The following DMXL2 variants were observed in gnomAD, a reference collection of about 807,000 sequenced individuals.
The protein encoded by DMXL2 is Dmx like 2.
In DMXL2, 103 loss-of-function variants were observed where a neutral mutation model predicts 331.1. The ratio of observed to expected loss-of-function variants is 0.31; its 90% confidence interval spans 0.27 to 0.37. DMXL2 has a LOEUF of 0.37. DMXL2 is among the 10% of genes least tolerant of loss of function. The pLI is 1.00. For synonymous variants in DMXL2, 1,281 were observed against 1,252.1 expected, an observed-to-expected ratio of 1.02 and a Z score of -0.49; for missense variants, 3,171 against 3,642.9, an observed-to-expected ratio of 0.87 and a Z score of 3.33.
Position 51,464,832 on chromosome 15 carries a change from A to C in DMXL2, c.7651T>G (p.Leu2551Val), listed in dbSNP as rs181821317. The change falls in exon 32 of 44, where the codon TTG (leucine) becomes GTG (valine). Residue 2551 changes from leucine (L) to valine (V), a missense_variant. Physicochemically the swap from Leu to Val is conservative, Grantham distance 32. Transcript: ENST00000560891. ...SPLGIAVIKNLENWEQILQEK... is the reference protein window; with the variant it reads ...SPLGIAVIKNVENWEQILQEK... ...TGCAAGATCTGTTCCCAGTTCTCCA[A>C]GTTTTTAATCACAGCAATACCTAAT... The C allele has an allele frequency of 3.1e-6, 5 of 1,614,130 alleles. No individual in the cohort carries two copies. The highest frequency in any genetic ancestry group is 4.2e-6 in the Non-Finnish European group (5 of 1,179,996).
At chr15:51,592,580 C>G (rs1302748410) in intron 1 of DMXL2, among the ~76,000 whole-genome samples, 2 of 152,180 alleles carry the variant, frequency 1.3e-5, no homozygotes, top group Non-Finnish European at 2.9e-5. Context: ...CACAAAGATA[C>G]TCCTTGACAA....
intron 36 of DMXL2, among the ~76,000 whole-genome samples, 161 bp downstream of exon 36, chr15:51,458,345 T>C (rs2039827304): frequency 6.6e-6 from 1 of 152,222 alleles, no homozygotes; most frequent in African/African-American, 2.4e-5. Context: ...TCAGTTAATG[T>C]AGACAAAGAC....
At chr15:51,533,249 A>G (rs953321551) in intron 13 of DMXL2, among the ~76,000 whole-genome samples, 8 of 152,070 alleles carry the variant, frequency 5.3e-5, no homozygotes, top group Non-Finnish European at 8.8e-5. Flanking sequence ...TCTTGAACTC[A>G]TGGGGTCAAG....
chr15:51,549,046 T>C (rs2049048114), intron 6 of DMXL2, among the ~76,000 whole-genome samples: 1 of 152,082 alleles, frequency 6.6e-6, no homozygotes, highest in Non-Finnish European at 1.5e-5. Flanking sequence ...TGTGGGATTT[T>C]GGTGCACCCA....
chr15:51,597,404 T>A (rs1449801411), intron 1 of DMXL2, among the ~76,000 whole-genome samples: 2 of 152,210 alleles, frequency 1.3e-5, no homozygotes, highest in African/African-American at 4.8e-5. Context: ...GCCTCCCCTC[T>A]GAACTTTATG....
rs1687869897 is a variant in DMXL2, at chr15:51,499,854, G to A, written c.3370C>T (p.His1124Tyr). 6.2e-7 allele frequency: 1 copy of A among 1,614,144 alleles called. No homozygotes were observed. The highest frequency in any genetic ancestry group is 1.3e-5 in the African/African-American group (1 of 75,042). ...GSEWVLEQTI[H>Y]LDDLVKVGSV... is the part of the protein sequence containing the mutation. ...CCAACCTTAACCAAATCATCAAGAT[G>A]AATTGTTTGTTCTAAAACCCACTCT... Residue 1124 changes from histidine (H) to tyrosine (Y), a missense_variant, in exon 18 of 44, where the codon CAT becomes TAT. Transcript: ENST00000560891.
chr15:51,588,746 C>A (rs565004991), intron 1 of DMXL2, among the ~76,000 whole-genome samples: 12 of 152,174 alleles, frequency 7.9e-5, no homozygotes, highest in Non-Finnish European at 1.8e-4. Context: ...AATTAAACTT[C>A]CAACACCTTC....
intron 3 of DMXL2, among the ~76,000 whole-genome samples, chr15:51,566,404 T>C (rs984703517): frequency 6.6e-6 from 1 of 152,210 alleles, no homozygotes; most frequent in Non-Finnish European, 1.5e-5. Context: ...CACTAAATAC[T>C]GTTCAACAAA....
chr15:51,568,701 G>A (rs1411902586), intron 2 of DMXL2, 143 bp from the exon 3 acceptor site: 2 of 609,140 alleles, frequency 3.3e-6, no homozygotes, highest in Non-Finnish European at 5.5e-6. Context: ...ATACCTGGAA[G>A]TGTACTGGAG....
intron 6 of DMXL2, 40 bp from the exon 7 acceptor site, chr15:51,547,448 TAC>T (rs760026762): frequency 1.7e-5 from 23 of 1,393,758 alleles, no homozygotes; most frequent in Non-Finnish European, 2.2e-5. Context: ...AATTTGTACA[TAC>T]ACAATTCAAA....
In DMXL2 at chr15:51,539,733, G is replaced by A. The variant is rs150950352; in HGVS notation, c.1106-1281C>T. Among the ~76,000 whole-genome samples, 182 of 152,122 alleles carry A rather than the reference G, an allele frequency of 1.2e-3. 1 individual carries two copies. In the East Asian group the frequency reaches 0.022, roughly 19 times the overall value. On this transcript the variant is annotated intron_variant, in intron 9 of 43. Coordinates refer to ENST00000560891, the MANE Select transcript of DMXL2 (RefSeq NM_001378457.1). Reference sequence around the variant, plus strand: ...CTGAGGTGGTAGGATTGCCTGAGCCGGAGAGGTCAAGGCTGCACTCTAGCC... The same window carrying A: ...CTGAGGTGGTAGGATTGCCTGAGCCAGAGAGGTCAAGGCTGCACTCTAGCC...
At position 51,480,707 on chromosome 15, in the gene DMXL2, T is replaced by C. The variant is rs1338140564; in HGVS notation, c.6399A>G (p.Arg2133=). The C allele has an allele frequency of 6.2e-7, 1 of 1,607,970 alleles. No individual in the cohort carries two copies. Among genetic ancestry groups the C allele is most frequent in the Non-Finnish European group, 8.5e-7 (1 of 1,176,504 alleles). ...SYERHQIERR[R]LQAKREHAER... is the part of the protein sequence containing the mutation. Reference sequence around the variant, plus strand: ...CTGCATGCTCTCGTTTGGCCTGCAATCTTCTTCTTTCTATTTGATGGCGCT... The same window carrying C: ...CTGCATGCTCTCGTTTGGCCTGCAACCTTCTTCTTTCTATTTGATGGCGCT... The change falls in exon 24 of 44, where the codon AGA becomes AGG. Residue 2133 remains arginine, a synonymous_variant. Transcript: ENST00000560891.
chr15:51,450,791 C>A (rs769072039), intron 42 of DMXL2: 7 of 162,316 alleles, frequency 4.3e-5, no homozygotes, highest in Non-Finnish European at 8.1e-5. Flanking sequence ...CATTATCCTT[C>A]CCAGGAGTAT....
intron 6 of DMXL2, among the ~76,000 whole-genome samples, chr15:51,558,823 T>A (rs1394214763): frequency 6.6e-6 from 1 of 152,232 alleles, no homozygotes; most frequent in Non-Finnish European, 1.5e-5. Flanking sequence ...CAATTAAAAC[T>A]GCCCATATTT....
intron 2 of DMXL2, among the ~76,000 whole-genome samples, chr15:51,573,373 T>C (rs1178112155): frequency 1.3e-5 from 2 of 152,160 alleles, no homozygotes; most frequent in Non-Finnish European, 2.9e-5. Context: ...TATAAATCAT[T>C]CTACTTTAAA....
At position 51,557,731 on chromosome 15, in the gene DMXL2, A is replaced by G. The variant is rs1019714648; in HGVS notation, c.567+5650T>C. Among the ~76,000 whole-genome samples the G allele has an allele frequency of 4.6e-5, 7 of 152,334 alleles. 1 individual carries two copies. In the South Asian group the frequency reaches 8.3e-4, roughly 18 times the overall value. On this transcript the variant is annotated intron_variant, in intron 6 of 43. Transcript: ENST00000560891. ...GAAACAGACCTACAGAAATATGGAC[A>G]TTTGATTTTATGACAAAAGTGGTAA...
At chr15:51,613,303 G>T (rs1425663804) in intron 1 of DMXL2, among the ~76,000 whole-genome samples, 2 of 152,152 alleles carry the variant, frequency 1.3e-5, no homozygotes, top group African/African-American at 4.8e-5. Flanking sequence ...TTCAGAGACT[G>T]CAGTAAAGAC....
intron 2 of DMXL2, among the ~76,000 whole-genome samples, chr15:51,569,779 T>C (rs972312516): frequency 6.6e-6 from 1 of 151,970 alleles, no homozygotes; most frequent in Non-Finnish European, 1.5e-5. Context: ...AAAGGAATAC[T>C]ATCAACATCA....
chr15:51,529,102 C>T (rs2047854202), intron 13 of DMXL2, among the ~76,000 whole-genome samples: 1 of 151,868 alleles, frequency 6.6e-6, no homozygotes, highest in Non-Finnish European at 1.5e-5. Context: ...TGGGATACTG[C>T]AAAAGCAGTA....
Sources: allele counts gnomAD v4.1 joint callset (sites outside exome capture counted in the v4.1 genomes callset), GRCh38; gene constraint gnomAD v4.1.1; transcripts MANE v1.5; gene names NCBI Gene and HGNC (gene_info 2026-07-23, HGNC 2026-07-21).